The following MSRA variants were observed in gnomAD, a reference collection of about 807,000 sequenced individuals.
The protein encoded by MSRA is mitochondrial peptide methionine sulfoxide reductase.
Under a neutral mutation model 31.3 loss-of-function variants are expected in MSRA, and 54 were observed. The ratio of observed to expected loss-of-function variants is 1.73; its 90% CI spans 1.39 to 2.17. MSRA has a LOEUF of 2.17. MSRA is among the 30% of genes most tolerant of loss of function. The pLI, the probability that MSRA is intolerant of heterozygous loss-of-function variation, is 0.00. For missense variants in MSRA, 507 were observed against 300.9 expected, an observed-to-expected ratio of 1.69 and a Z score of -5.07; for synonymous variants, 169 against 116.5, an observed-to-expected ratio of 1.45 and a Z score of -2.90.
At chr8:10,061,810 C>T (rs1260786492) in intron 1 of MSRA, among the ~76,000 whole-genome samples, 2 of 152,190 alleles carry the variant, frequency 1.3e-5, no homozygotes, top group African/African-American at 4.8e-5. Flanking sequence ...CTGAACTTTT[C>T]CCTGAGTTAT....
At chr8:10,185,490 C>T (rs1292594742) in intron 1 of MSRA, among the ~76,000 whole-genome samples, 1 of 139,730 alleles carries the variant, frequency 7.2e-6, no homozygotes, top group African/African-American at 2.5e-5. Flanking sequence ...GAAGATGCCA[C>T]TGGGGGAATC....
chr8:10,335,476 G>C (rs1030674535), intron 5 of MSRA, among the ~76,000 whole-genome samples: 1 of 152,070 alleles, frequency 6.6e-6, no homozygotes, highest in Non-Finnish European at 1.5e-5. Flanking sequence ...TGCTGGGTTC[G>C]CTGCTGAACT....
At chr8:10,366,412 C>G (rs747981357) in intron 5 of MSRA, among the ~76,000 whole-genome samples, 2 of 152,220 alleles carry the variant, frequency 1.3e-5, no homozygotes, top group Admixed American at 6.5e-5. Context: ...CTGAGCCAGG[C>G]CTTGTGCAGG....
intron 1 of MSRA, among the ~76,000 whole-genome samples, chr8:10,185,545 G>A (rs766486112): frequency 7.9e-5 from 12 of 152,152 alleles, no homozygotes; most frequent in Non-Finnish European, 1.8e-4. Flanking sequence ...GTGGGCCGAG[G>A]AATGCTCAAG....
intron 5 of MSRA, among the ~76,000 whole-genome samples, chr8:10,343,452 A>C (rs532922129): frequency 5.6e-4 from 85 of 152,300 alleles, no homozygotes; most frequent in African/African-American, 1.9e-3. Context: ...ATGTATGGTG[A>C]TTAGAATTTG....
chr8:10,399,932 G>A (rs1299077593), intron 5 of MSRA, among the ~76,000 whole-genome samples: 1 of 152,168 alleles, frequency 6.6e-6, no homozygotes, highest in Non-Finnish European at 1.5e-5. Context: ...AGAGCTGTTG[G>A]AGCCGCTTTG....
At chr8:10,327,969 T>C (rs1802465427) in intron 5 of MSRA, among the ~76,000 whole-genome samples, 1 of 146,922 alleles carries the variant, frequency 6.8e-6, no homozygotes, top group African/African-American at 2.5e-5. Context: ...TCACCTGCGC[T>C]ACCAATGCAG....
intron 2 of MSRA, among the ~76,000 whole-genome samples, chr8:10,234,649 C>G (rs1811798134): frequency 6.6e-6 from 1 of 151,882 alleles, no homozygotes; most frequent in Non-Finnish European, 1.5e-5. Flanking sequence ...AAGAGATTAT[C>G]AAATTGGCTA....
intron 2 of MSRA, among the ~76,000 whole-genome samples, chr8:10,222,256 C>T (rs1326879038): frequency 6.6e-6 from 1 of 152,038 alleles, no homozygotes; most frequent in Non-Finnish European, 1.5e-5. Flanking sequence ...CTTTATAGAC[C>T]TTCTCAAATG....
At chr8:10,325,309 G>C (rs1306550486) in intron 5 of MSRA, among the ~76,000 whole-genome samples, 1 of 151,966 alleles carries the variant, frequency 6.6e-6, no homozygotes, top group Non-Finnish European at 1.5e-5. Flanking sequence ...CTTTTATATA[G>C]GTTATATACC....
intron 5 of MSRA, among the ~76,000 whole-genome samples, chr8:10,327,028 G>A (rs886397204): frequency 1.3e-5 from 2 of 152,130 alleles, no homozygotes; most frequent in African/African-American, 2.4e-5. Flanking sequence ...GGCTCCTTCT[G>A]CCAGCTCTTC....
chr8:10,058,384 G>T lies in MSRA; in HGVS notation c.142+3726G>T, dbSNP rs574137924. Reference sequence around the variant, plus strand: ...AAACAGATAATTTGAAGAATGTTAGGAGACTACTGAACTCTTTTAAAATAA... The same window carrying T: ...AAACAGATAATTTGAAGAATGTTAGTAGACTACTGAACTCTTTTAAAATAA... On this transcript the variant is annotated intron_variant, in intron 1 of 5. Coordinates refer to ENST00000317173, the MANE Select transcript of MSRA (RefSeq NM_012331.5). 8.5e-4 allele frequency among the ~76,000 whole-genome samples: 129 copies of T among 152,274 alleles called. 2 individuals are homozygous for T. In the Middle Eastern group the frequency reaches 0.01, roughly 12 times the overall value.
chr8:10,139,324 G>A (rs1802510023), intron 1 of MSRA, among the ~76,000 whole-genome samples: 1 of 151,944 alleles, frequency 6.6e-6, no homozygotes, highest in African/African-American at 2.4e-5. Context: ...AATGATTCTT[G>A]TTTTAAAAAT....
rs185478320 is a variant in MSRA, at chr8:10,100,431, A to T, written c.142+45773A>T. Among the ~76,000 whole-genome samples the T allele has an allele frequency of 2.1e-4, 32 of 152,224 alleles. 1 individual carries two copies. Among genetic ancestry groups the T allele is most frequent in the Admixed American group, 1.8e-3 (28 of 15,286 alleles). On this transcript the variant is annotated intron_variant, in intron 1 of 5. Coordinates refer to ENST00000317173, the MANE Select transcript of MSRA (RefSeq NM_012331.5). ...TGTGCTTGTGGAGGTCCTGGGGTGCATACAGGCTTGGAACTGGAATAGCAG... is the reference window on the plus strand; with the variant it reads ...TGTGCTTGTGGAGGTCCTGGGGTGCTTACAGGCTTGGAACTGGAATAGCAG...
chr8:10,087,946 G>C (rs814426), intron 1 of MSRA, among the ~76,000 whole-genome samples: 18 of 152,260 alleles, frequency 1.2e-4, no homozygotes, highest in African/African-American at 4.3e-4. Flanking sequence ...AGTAATTGCG[G>C]TTTTTGCCAT....
chr8:10,358,565 C>CTTT lies in MSRA; in HGVS notation c.543+38619_543+38621dup, dbSNP rs59106668. 1.9e-4 allele frequency among the ~76,000 whole-genome samples: 12 copies of CTTT among 63,998 alleles called. 1 individual carries two copies. In the East Asian group the frequency reaches 3.7e-3, roughly 20 times the overall value. The allele number at this position is 63,998 out of a possible 152,430, so 42.0% of individuals were successfully genotyped here. On this transcript the variant is annotated intron_variant, in intron 5 of 5. Coordinates refer to ENST00000317173, the MANE Select transcript of MSRA (RefSeq NM_012331.5). ...GTCAGATCAGCGGCAGCATTAGATT[C>CTTT]TTTTTTTTTTTTTTTTTTTTTTTTT...
chr8:10,169,238 A>G (rs887166333), intron 1 of MSRA, among the ~76,000 whole-genome samples: 3 of 152,202 alleles, frequency 2.0e-5, no homozygotes, highest in East Asian at 1.9e-4. Flanking sequence ...AATTTACACA[A>G]TAGGAAAATT....
intron 5 of MSRA, among the ~76,000 whole-genome samples, chr8:10,427,695 C>G (rs1300378255): frequency 6.6e-6 from 1 of 152,178 alleles, no homozygotes; most frequent in Non-Finnish European, 1.5e-5. Context: ...CTGTCCATCC[C>G]TACCCTGTCC....
intron 5 of MSRA, among the ~76,000 whole-genome samples, chr8:10,391,130 T>A (rs898506974): frequency 2.0e-5 from 3 of 152,242 alleles, no homozygotes; most frequent in African/African-American, 4.8e-5. Flanking sequence ...TCTCACTCTA[T>A]TGGAAGAACA....
Sources: gnomAD v4.1 joint callset for allele counts (sites outside exome capture counted in the v4.1 genomes callset) on GRCh38, gnomAD v4.1.1 for gene constraint, MANE v1.5 for transcripts, NCBI Gene and HGNC (gene_info 2026-07-23, HGNC 2026-07-21) for gene names.